The following RELB variants were observed in gnomAD, a reference collection of about 807,000 sequenced individuals.
The protein encoded by RELB is RELB proto-oncogene, NF-kB subunit.
In RELB, 14 loss-of-function variants were observed where a neutral mutation model predicts 55.4. The ratio of observed to expected loss-of-function variants is 0.25; its 90% CI spans 0.17 to 0.40. The LOEUF is 0.40. Among genes scored for constraint, RELB ranks in the 10% least tolerant of loss-of-function variants. RELB has a pLI of 1.00. For missense variants in RELB, 669 were observed against 830.7 expected (o/e 0.81, Z 2.39); for synonymous variants, 409 against 371.3 (o/e 1.10, Z -1.17).
chr19:45,034,159 A>AAAATAAATAAATAAAT, intron 9 of RELB, 85 bp from the exon 10 acceptor site: 3 of 930,440 alleles, frequency 3.2e-6, no homozygotes, highest in African/African-American at 3.5e-5. Context: ...ACTGTCTCTA[A>AAAATAAATAAATAAAT]AAATAAATAA....
At chr19:45,013,384 G>A (rs528979558) in intron 4 of RELB, among the ~76,000 whole-genome samples, 9 of 151,944 alleles carry the variant, frequency 5.9e-5, no homozygotes, top group Non-Finnish European at 8.8e-5. Flanking sequence ...CAAGTGATCC[G>A]CATGCCTTGG....
Position 45,007,791 on chromosome 19 carries a change from G to C in RELB, c.155-2023G>C, listed in dbSNP as rs1258353857. 1.5e-4 allele frequency among the ~76,000 whole-genome samples: 22 copies of C among 149,396 alleles called. No homozygotes were observed. In the Admixed American group the frequency reaches 1.5e-3, roughly 10 times the overall value. ...GAGAATCGCTAGAACCCGGGAGGCAGAGGTTGCAGTGAGCCAAGAATGCAC... is the reference window on the plus strand; with the variant it reads ...GAGAATCGCTAGAACCCGGGAGGCACAGGTTGCAGTGAGCCAAGAATGCAC... On this transcript the variant is annotated intron_variant, in intron 2 of 11. Coordinates refer to ENST00000221452, the MANE Select transcript of RELB (RefSeq NM_006509.4).
intron 5 of RELB, among the ~76,000 whole-genome samples, chr19:45,024,784 G>A (rs1052979043): frequency 3.3e-5 from 5 of 150,982 alleles, no homozygotes; most frequent in African/African-American, 1.2e-4. Context: ...TCTTGACCTC[G>A]TGATCTGCCC....
chr19:45,036,177 A>C (rs903529161), intron 11 of RELB, among the ~76,000 whole-genome samples: 2 of 151,922 alleles, frequency 1.3e-5, no homozygotes, highest in African/African-American at 2.4e-5. Flanking sequence ...GGTTCAAGTG[A>C]TTCTCCTGCC....
At chr19:45,035,280 A>G (rs1329875494) in intron 11 of RELB, among the ~76,000 whole-genome samples, 2 of 152,004 alleles carry the variant, frequency 1.3e-5, no homozygotes, top group African/African-American at 4.8e-5. Flanking sequence ...GCACTTTGGG[A>G]GGCTGAGGCA....
Position 45,025,422 on chromosome 19 carries a change from T to C in RELB, c.754+2T>C. ...AACTGGGCATTGACCCCTACAACGG[T>C]GAGCACCCCCTGCCTGACCTGACCA... On this transcript the variant is annotated splice_donor_variant, in intron 6 of 11. Coordinates refer to ENST00000221452, the MANE Select transcript of RELB (RefSeq NM_006509.4). LOFTEE classifies it high-confidence loss of function. The C allele has an allele frequency of 6.2e-7, 1 of 1,610,086 alleles. No individual in the cohort carries two copies. Among genetic ancestry groups the C allele is most frequent in the Non-Finnish European group, 8.5e-7 (1 of 1,178,042 alleles).
At chr19:45,027,083 A>G (rs886882251) in intron 7 of RELB, among the ~76,000 whole-genome samples, 6 of 151,876 alleles carry the variant, frequency 4.0e-5, no homozygotes, top group African/African-American at 1.5e-4. Context: ...CAAAAAAAAA[A>G]TTAGCCGGGC....
intron 2 of RELB, among the ~76,000 whole-genome samples, chr19:45,007,381 C>A (rs551438857): frequency 5.3e-5 from 8 of 152,138 alleles, no homozygotes; most frequent in Admixed American, 3.9e-4. Flanking sequence ...GTGGTCAGAA[C>A]CTGCACTAAG....
intron 4 of RELB, among the ~76,000 whole-genome samples, chr19:45,014,903 ATTTT>A (rs11289208): frequency 7.6e-6 from 1 of 130,774 alleles, no homozygotes. Flanking sequence ...TGGATTCAGG[ATTTT>A]TTTTTTTTTT....
rs761099717 is a variant in RELB, at chr19:45,002,987, A to G, written c.145A>G (p.Arg49Gly). The G allele has an allele frequency of 4.3e-6, 7 of 1,613,076 alleles. No individual in the cohort carries two copies. In the South Asian group the frequency reaches 7.7e-5, roughly 18 times the overall value. The change falls in exon 2 of 12, where the codon AGG becomes GGG. Residue 49 changes from arginine to glycine, a missense_variant. Physicochemically the swap from Arg to Gly is moderately radical, Grantham distance 125. Transcript: ENST00000221452. ...DLSSLSLAVSRSTDELEIIDE... is the reference protein window; with the variant it reads ...DLSSLSLAVSGSTDELEIIDE... ...CTCCTCACTCTCGCTCGCCGTTTCC[A>G]GGAGCACAGGTGAGCAGCCCTCCAC...
intron 4 of RELB, among the ~76,000 whole-genome samples, chr19:45,016,005 T>C (rs1273248034): frequency 1.3e-5 from 2 of 150,240 alleles, no homozygotes; most frequent in Non-Finnish European, 3.0e-5. Context: ...ATTTTATTAT[T>C]ATTTTTTTTT....
chr19:45,021,053 T>C (rs1971479720), intron 4 of RELB, among the ~76,000 whole-genome samples: 1 of 152,092 alleles, frequency 6.6e-6, no homozygotes, highest in African/African-American at 2.4e-5. Flanking sequence ...TGTGCGCCTG[T>C]AGTCCCAGCT....
chr19:45,013,787 G>A (rs966170935), intron 4 of RELB, among the ~76,000 whole-genome samples: 2 of 151,974 alleles, frequency 1.3e-5, no homozygotes, highest in African/African-American at 4.8e-5. Context: ...AGCCAAGATC[G>A]TGCCATTGCT....
chr19:45,007,660 C>T (rs981973952), intron 2 of RELB, among the ~76,000 whole-genome samples: 1 of 151,502 alleles, frequency 6.6e-6, no homozygotes, highest in Non-Finnish European at 1.5e-5. Flanking sequence ...GAGTTCGAGA[C>T]CAGCCTGGCC....
At chr19:45,037,372 C>T (rs780415548) in intron 11 of RELB, 33 bp from the exon 12 acceptor site, 31 of 1,501,842 alleles carry the variant, frequency 2.1e-5, no homozygotes, top group Non-Finnish European at 2.7e-5. Context: ...AGCCCTAAAT[C>T]ACACTACACT....
chr19:45,021,573 CTT>C (rs748646881), intron 4 of RELB, among the ~76,000 whole-genome samples: 260 of 91,356 alleles, frequency 2.8e-3, no homozygotes, highest in African/African-American at 0.01. Flanking sequence ...TCAAAGTGGC[CTT>C]TTTTTTTTTT....
In RELB at chr19:45,025,612, C is replaced by G. The variant is rs1382637056; in HGVS notation, c.761C>G (p.Ser254Cys). 3 of 1,613,910 alleles carry G rather than the reference C, an allele frequency of 1.9e-6. No homozygotes were observed. Among genetic ancestry groups the G allele is most frequent in the South Asian group, 2.2e-5 (2 of 91,068 alleles). Reference sequence around the variant, plus strand: ...CCCATATCTCCCCCGACAGCTGGGTCCCTGAAGAACCATCAGGAAGTAGAC... The same window carrying G: ...CCCATATCTCCCCCGACAGCTGGGTGCCTGAAGAACCATCAGGAAGTAGAC... ...QLGIDPYNAG[S>C]LKNHQEVDMN... The change falls in exon 7 of 12, where the codon TCC (serine) becomes TGC (cysteine). Residue 254 changes from serine to cysteine, a missense_variant. This residue lies in a region of RELB where 5 missense variants were observed against 25.4 expected (regional missense o/e 0.20). Transcript: ENST00000221452.
At chr19:45,018,310 A>G (rs1971445216) in intron 4 of RELB, among the ~76,000 whole-genome samples, 1 of 152,112 alleles carries the variant, frequency 6.6e-6, no homozygotes, top group South Asian at 2.1e-4. Flanking sequence ...AGGCTGAGGC[A>G]GGAGAATGGC....
At chr19:45,005,184 CAAAA>C (rs1332504410) in intron 2 of RELB, among the ~76,000 whole-genome samples, 1 of 151,824 alleles carries the variant, frequency 6.6e-6, no homozygotes, top group African/African-American at 2.4e-5. Flanking sequence ...GGAAAAAAAA[CAAAA>C]AACCATGTCA....
Sources: gnomAD v4.1 joint callset for allele counts (sites outside exome capture counted in the v4.1 genomes callset) on GRCh38, gnomAD v4.1.1 for gene constraint, gnomAD v4.1.1 regional missense constraint, MANE v1.5 for transcripts, NCBI Gene and HGNC (gene_info 2026-07-23, HGNC 2026-07-21) for gene names.